Variants in BTBD8 observed in about 807,000 individuals in gnomAD.
BTBD8 encodes the protein BTB domain containing 8.
In BTBD8, 110 loss-of-function variants were observed where a neutral mutation model predicts 162.9. The ratio of observed to expected loss-of-function variants is 0.68; its 90% CI spans 0.58 to 0.79. The LOEUF is 0.79. BTBD8 is among the 30% of genes least tolerant of loss of function. BTBD8 has a pLI of 0.00. For synonymous variants in BTBD8, 667 were observed against 716.1 expected, an observed-to-expected ratio of 0.93 and a Z score of 1.10; for missense variants, 1,905 against 2,085.4, an observed-to-expected ratio of 0.91 and a Z score of 1.68.
At chr1:92,100,184 C>A (rs1447919448) in intron 2 of BTBD8, among the ~76,000 whole-genome samples, 1 of 152,108 alleles carries the variant, frequency 6.6e-6, no homozygotes, top group East Asian at 1.9e-4. Context: ...TGAGATACAT[C>A]TGTTTGTCAT....
chr1:92,102,053 G>T (rs1335325296), intron 2 of BTBD8, among the ~76,000 whole-genome samples: 3 of 151,866 alleles, frequency 2.0e-5, no homozygotes, highest in Non-Finnish European at 4.4e-5. Context: ...ATGGAGTCTT[G>T]CTCTGTCGCT....
intron 13 of BTBD8, among the ~76,000 whole-genome samples, chr1:92,172,841 T>C (rs1650588756): frequency 6.6e-6 from 1 of 152,186 alleles, no homozygotes; most frequent in South Asian, 2.1e-4. Context: ...ATTAACCTCT[T>C]AGGATTGTTT....
chr1:92,148,183 A>G (rs1387640396), intron 9 of BTBD8, among the ~76,000 whole-genome samples: 1 of 152,166 alleles, frequency 6.6e-6, no homozygotes, highest in Non-Finnish European at 1.5e-5. Context: ...ATTACATTGG[A>G]TCACTTCCAT....
rs547571341 is a variant in BTBD8, at chr1:92,118,212, C to T, written c.662+10211C>T. On this transcript the variant is annotated intron_variant, in intron 4 of 17. Coordinates refer to ENST00000636805, the MANE Select transcript of BTBD8 (RefSeq NM_001376131.1). ...CTTTTGTATTTGAGGAATCAATCCCCGATCTCACATTATGCTTAGTTGTCC... is the reference window on the plus strand; with the variant it reads ...CTTTTGTATTTGAGGAATCAATCCCTGATCTCACATTATGCTTAGTTGTCC... 2.0e-5 allele frequency among the ~76,000 whole-genome samples: 3 copies of T among 151,116 alleles called. No individual in the cohort carries two copies. The South Asian group carries it at 6.3e-4, about 31-fold the overall frequency.
At chr1:92,150,584 C>T (rs1650022217) in intron 9 of BTBD8, 1 of 152,094 alleles carries the variant, frequency 6.6e-6, no homozygotes, top group South Asian at 2.1e-4. Context: ...ATTCATTTTC[C>T]AACATGCTTT....
At chr1:92,183,714 A>G in intron 17 of BTBD8, 150 bp from the exon 18 acceptor site, 1 of 581,324 alleles carries the variant, frequency 1.7e-6, no homozygotes, top group Non-Finnish European at 2.8e-6. Context: ...TGCCTCAAAA[A>G]TCTTGTCAAT....
chr1:92,083,273 C>T (rs1430120688), intron 1 of BTBD8, among the ~76,000 whole-genome samples: 1 of 152,146 alleles, frequency 6.6e-6, no homozygotes, highest in Non-Finnish European at 1.5e-5. Context: ...GTAAACTGAT[C>T]TTCCAGTTAA....
intron 2 of BTBD8, among the ~76,000 whole-genome samples, chr1:92,093,518 T>C (rs1648371612): frequency 6.6e-6 from 1 of 152,112 alleles, no homozygotes; most frequent in African/African-American, 2.4e-5. Flanking sequence ...AGTGTATGCT[T>C]TTTTCTCCTA....
At chr1:92,147,576 TAGTC>T (rs781074592) in intron 8 of BTBD8, 104 bp from the exon 9 acceptor site, 102 of 760,648 alleles carry the variant, frequency 1.3e-4, no homozygotes, top group East Asian at 6.8e-4. Context: ...TTAATAGTAT[TAGTC>T]AGGTCATATA....
At chr1:92,100,600 C>CATTATT (rs771639431) in intron 2 of BTBD8, among the ~76,000 whole-genome samples, 11 of 150,920 alleles carry the variant, frequency 7.3e-5, no homozygotes, top group Admixed American at 2.6e-4. Flanking sequence ...ACTTTTTTGG[C>CATTATT]ATTATTATTA....
At chr1:92,117,881 T>A (rs1649088001) in intron 4 of BTBD8, among the ~76,000 whole-genome samples, 1 of 152,030 alleles carries the variant, frequency 6.6e-6, no homozygotes, top group Non-Finnish European at 1.5e-5. Context: ...TGGATCAGAG[T>A]CCTGTACTGC....
intron 2 of BTBD8, among the ~76,000 whole-genome samples, chr1:92,090,039 C>T (rs550335059): frequency 1.3e-5 from 2 of 152,214 alleles, no homozygotes; most frequent in South Asian, 2.1e-4. Context: ...TTAATCCATT[C>T]GTTGCCATTT....
intron 12 of BTBD8, among the ~76,000 whole-genome samples, chr1:92,170,245 T>G (rs1009005048): frequency 1.3e-5 from 2 of 152,158 alleles, no homozygotes; most frequent in Admixed American, 1.3e-4. Flanking sequence ...CTTTTTGAAT[T>G]GTCAAAAAGG....
At chr1:92,101,510 G>A (rs1333323991) in intron 2 of BTBD8, among the ~76,000 whole-genome samples, 2 of 152,250 alleles carry the variant, frequency 1.3e-5, no homozygotes, top group African/African-American at 4.8e-5. Context: ...CAGGACCCGG[G>A]GAACCTCCAC....
At position 92,180,396 on chromosome 1, in the gene BTBD8, G is replaced by GTA; in HGVS notation, c.2714_2715dup (p.His906TyrfsTer12). The GTA allele has an allele frequency of 6.4e-7, 1 of 1,551,494 alleles. No individual in the cohort carries two copies. Among genetic ancestry groups the GTA allele is most frequent in the Non-Finnish European group, 8.7e-7 (1 of 1,146,960 alleles). ...ACCTAAGAGAAAAATGGTCAAGCAA[G>GTA]TACACACAGCTTTGCCTAAGGTTAA... On this transcript the variant is annotated frameshift_variant, in exon 17 of 18. Coordinates refer to ENST00000636805, the MANE Select transcript of BTBD8 (RefSeq NM_001376131.1). LOFTEE classifies it high-confidence loss of function.
chr1:92,102,669 G>A lies in BTBD8; in HGVS notation c.544G>A (p.Asp182Asn), dbSNP rs1251331839. 2 of 1,471,472 alleles carry A rather than the reference G, an allele frequency of 1.4e-6. No homozygotes were observed. Among genetic ancestry groups the A allele is most frequent in the Non-Finnish European group, 1.8e-6 (2 of 1,105,928 alleles). The allele number at this position is 1,471,472 out of a possible 1,614,324, so 91.2% of individuals were successfully genotyped here. A position where few individuals can be genotyped will look rare whatever the true frequency, so the allele number is the denominator to read the frequency against. Residue 182 changes from aspartate to asparagine, a missense_variant and splice_region_variant, in exon 3 of 18, where the codon GAT becomes AAT. Asp to Asn is a conservative substitution (Grantham distance 23). This residue lies in a region of BTBD8 where 1,374 missense variants were observed against 1,442.7 expected (regional missense o/e 0.95). Coordinates refer to ENST00000636805, the MANE Select transcript of BTBD8 (RefSeq NM_001376131.1). ...SDRDDDFISNDNYDLEPASEL... is the reference protein window; with the variant it reads ...SDRDDDFISNNNYDLEPASEL... ...CAGAGATGATGATTTCATTTCCAATGGTGAGGTATTTTTTATGGAGTTGTA... is the reference window on the plus strand; with the variant it reads ...CAGAGATGATGATTTCATTTCCAATAGTGAGGTATTTTTTATGGAGTTGTA...
intron 4 of BTBD8, chr1:92,126,111 A>G (rs1448920385): frequency 2.0e-6 from 1 of 488,762 alleles, no homozygotes; most frequent in African/African-American, 2.0e-5. Context: ...GGATAAGTGA[A>G]AGCATCTTAC....
chr1:92,095,068 G>A (rs1005007097), intron 2 of BTBD8, among the ~76,000 whole-genome samples: 2 of 152,164 alleles, frequency 1.3e-5, no homozygotes, highest in Non-Finnish European at 2.9e-5. Context: ...TCCCAGGTTC[G>A]CTAATTCCTA....
At chr1:92,103,332 C>T (rs1169019147) in intron 3 of BTBD8, among the ~76,000 whole-genome samples, 1 of 152,156 alleles carries the variant, frequency 6.6e-6, no homozygotes. Flanking sequence ...ATATTACAGT[C>T]AACATATCTA....
Sources: gnomAD v4.1 joint callset for allele counts (sites outside exome capture counted in the v4.1 genomes callset) on GRCh38, gnomAD v4.1.1 for gene constraint, gnomAD v4.1.1 regional missense constraint, MANE v1.5 for transcripts, NCBI Gene and HGNC (gene_info 2026-07-23, HGNC 2026-07-21) for gene names.